UNC13B: variants seen among roughly 807,000 people sequenced by gnomAD.
UNC13B encodes unc-13 homolog B.
In UNC13B, 144 loss-of-function variants were observed where a neutral mutation model predicts 211.0. That is an observed-to-expected ratio of 0.68 (90% CI 0.60 to 0.78). The LOEUF (loss-of-function observed/expected upper bound fraction) is 0.78, where lower values mean the gene tolerates loss of function less well. UNC13B is among the 30% of genes least tolerant of loss of function. UNC13B has a pLI of 0.00. For missense variants in UNC13B, 1,777 were observed against 2,002.0 expected (o/e 0.89, Z 2.14); for synonymous variants, 709 against 725.8 (o/e 0.98, Z 0.37).
chr9:35,381,530 C>G, intron 19 of UNC13B, 26 bp from the exon 20 acceptor site: 1 of 1,602,996 alleles, frequency 6.2e-7, no homozygotes, highest in Non-Finnish European at 8.5e-7. Context: ...TTAACCCATT[C>G]CCTTTCTCTG....
chr9:35,212,766 A>C (rs2131423238), intron 1 of UNC13B, among the ~76,000 whole-genome samples: 1 of 152,306 alleles, frequency 6.6e-6, no homozygotes, highest in East Asian at 1.9e-4. Context: ...GCTAAAATGG[A>C]AAACAATTTA....
At chr9:35,349,195 C>T (rs945055380) in intron 11 of UNC13B, among the ~76,000 whole-genome samples, 3 of 152,050 alleles carry the variant, frequency 2.0e-5, no homozygotes, top group African/African-American at 7.2e-5. Flanking sequence ...GGATTACAGG[C>T]GAGAGCCACC....
At chr9:35,164,316 A>G (rs1820925497) in intron 1 of UNC13B, among the ~76,000 whole-genome samples, 1 of 152,216 alleles carries the variant, frequency 6.6e-6, no homozygotes, top group South Asian at 2.1e-4. Context: ...TGCACCCAGC[A>G]CAAAATACAT....
intron 11 of UNC13B, among the ~76,000 whole-genome samples, chr9:35,362,914 A>G (rs773874995): frequency 1.3e-5 from 2 of 152,096 alleles, no homozygotes; most frequent in Non-Finnish European, 2.9e-5. Context: ...AATGTAACTT[A>G]GGTGCACTAG....
intron 7 of UNC13B, among the ~76,000 whole-genome samples, chr9:35,262,098 T>G (rs769673156): frequency 9.9e-5 from 15 of 152,192 alleles, no homozygotes; most frequent in Non-Finnish European, 1.8e-4. Flanking sequence ...GGAGTGCAGA[T>G]ATCTCTTTGA....
intron 7 of UNC13B, among the ~76,000 whole-genome samples, chr9:35,268,561 G>T (rs1327605051): frequency 6.6e-6 from 1 of 152,198 alleles, no homozygotes; most frequent in African/African-American, 2.4e-5. Flanking sequence ...GGAGGTTGCG[G>T]TGAGCCAAGA....
intron 7 of UNC13B, among the ~76,000 whole-genome samples, chr9:35,264,245 T>G (rs1486542844): frequency 6.6e-6 from 1 of 152,170 alleles, no homozygotes; most frequent in Non-Finnish European, 1.5e-5. Context: ...GAATGTGTAA[T>G]TAATCATGAT....
chr9:35,198,668 T>C (rs146935356), intron 1 of UNC13B, among the ~76,000 whole-genome samples: 244 of 152,014 alleles, frequency 1.6e-3, no homozygotes, highest in African/African-American at 5.5e-3. Flanking sequence ...GAGGGAAAAA[T>C]TGGACTGTCT....
At chr9:35,217,226 C>T (rs999130831) in intron 1 of UNC13B, among the ~76,000 whole-genome samples, 1 of 152,106 alleles carries the variant, frequency 6.6e-6, no homozygotes, top group Non-Finnish European at 1.5e-5. Context: ...GTGAAGGGTA[C>T]ATAGGACCTC....
At chr9:35,285,880 A>G (rs968510930) in intron 7 of UNC13B, among the ~76,000 whole-genome samples, 1 of 152,224 alleles carries the variant, frequency 6.6e-6, no homozygotes, top group African/African-American at 2.4e-5. Flanking sequence ...CTGATTGGAC[A>G]TGGGAAATAA....
At chr9:35,389,203 T>C (rs1408257574) in intron 24 of UNC13B, among the ~76,000 whole-genome samples, 1 of 152,150 alleles carries the variant, frequency 6.6e-6, no homozygotes, top group Non-Finnish European at 1.5e-5. Context: ...TGATTTCTCT[T>C]TACCTGAAAG....
chr9:35,351,935 G>T, intron 11 of UNC13B: 1 of 1,232,212 alleles, frequency 8.1e-7, no homozygotes, highest in South Asian at 4.1e-5. Flanking sequence ...TGAACAGCGG[G>T]AACCTTTGGG....
chr9:35,315,225 A>G (rs1056479282), intron 11 of UNC13B, among the ~76,000 whole-genome samples: 1 of 151,974 alleles, frequency 6.6e-6, no homozygotes, highest in Admixed American at 6.6e-5. Flanking sequence ...TAGTGCTGCA[A>G]TAAACATATG....
At chr9:35,213,304 G>A (rs1384224268) in intron 1 of UNC13B, among the ~76,000 whole-genome samples, 1 of 152,128 alleles carries the variant, frequency 6.6e-6, no homozygotes, top group Non-Finnish European at 1.5e-5. Context: ...GCACCAGGCA[G>A]TTTGTACTCC....
chr9:35,310,004 T>C (rs1250232774), intron 9 of UNC13B, among the ~76,000 whole-genome samples: 2 of 152,186 alleles, frequency 1.3e-5, no homozygotes, highest in African/African-American at 4.8e-5. Flanking sequence ...TTTACAATTG[T>C]AGAGGAAGAA....
Position 35,380,598 on chromosome 9 carries a change from T to C in UNC13B, c.10334T>C (p.Val3445Ala). The C allele has an allele frequency of 6.2e-7, 1 of 1,614,146 alleles. No homozygotes were observed. Among genetic ancestry groups the C allele is most frequent in the Non-Finnish European group, 8.5e-7 (1 of 1,180,024 alleles). The change falls in exon 18 of 40, where the codon GTT becomes GCT. Residue 3445 changes from valine (V) to alanine (A), a missense_variant. Val to Ala is a moderately conservative substitution (Grantham distance 64, BLOSUM62 0). Transcript: ENST00000635942. ...TTCCTTGGCCAAACCATCATTGAGGTTCGGACCCTAAGTGGCGAGATGGAC... is the reference window on the plus strand; with the variant it reads ...TTCCTTGGCCAAACCATCATTGAGGCTCGGACCCTAAGTGGCGAGATGGAC... Reference protein sequence around the residue: ...DDFLGQTIIEVRTLSGEMDVW... With the variant: ...DDFLGQTIIEARTLSGEMDVW...
chr9:35,259,071 T>G (rs761304777), intron 7 of UNC13B, 21 bp downstream of exon 7: 1 of 1,612,854 alleles, frequency 6.2e-7, no homozygotes. Context: ...AACTTGTCTA[T>G]GAATCTCTTT....
chr9:35,379,056 C>T (rs529991983), intron 17 of UNC13B, among the ~76,000 whole-genome samples: 45 of 152,264 alleles, frequency 3.0e-4, no homozygotes, highest in African/African-American at 9.9e-4. Flanking sequence ...CATGCTTTGT[C>T]GCTCCCTAAT....
chr9:35,277,096 T>C (rs1469663654), intron 7 of UNC13B, among the ~76,000 whole-genome samples: 8 of 152,144 alleles, frequency 5.3e-5, no homozygotes, highest in Admixed American at 5.2e-4. Flanking sequence ...TTAGTTTTGC[T>C]GTCTGATATG....
Sources: gnomAD v4.1 joint callset for allele counts (sites outside exome capture counted in the v4.1 genomes callset) on GRCh38, gnomAD v4.1.1 for gene constraint, MANE v1.5 for transcripts, NCBI Gene and HGNC (gene_info 2026-07-23, HGNC 2026-07-21) for gene names.